Variants in HMGCLL1 observed in about 807,000 individuals in gnomAD.
HMGCLL1 encodes the protein 3-hydroxymethyl-3-methylglutaryl-CoA lyase, cytoplasmic.
A neutral mutation model predicts 39.1 loss-of-function variants in HMGCLL1; 36 were observed. The observed-to-expected ratio is 0.92, with a 90% confidence interval of 0.71 to 1.22. HMGCLL1 has a LOEUF of 1.22. Among genes scored for constraint, HMGCLL1 ranks in the 50% most tolerant of loss-of-function variants. The probability of loss-of-function intolerance (pLI) is 0.00; values close to 1 mark genes in which losing one functional copy is unlikely to be tolerated. For synonymous variants in HMGCLL1, 149 were observed against 144.0 expected (o/e 1.03, Z -0.25); for missense variants, 451 against 416.5 (o/e 1.08, Z -0.72).
chr6:55,630,342 T>A, the HMGCLL1 span, among the ~76,000 whole-genome samples: 1 of 152,038 alleles, frequency 6.6e-6, no homozygotes, highest in Non-Finnish European at 1.5e-5. Flanking sequence ...CCATTTAGAA[T>A]GGTTATATTT....
chr6:55,525,346 T>C (rs1225704641), intron 3 of HMGCLL1, among the ~76,000 whole-genome samples: 2 of 151,976 alleles, frequency 1.3e-5, no homozygotes, highest in African/African-American at 4.8e-5. Context: ...TATGGTAGGA[T>C]ATGAAATTAG....
chr6:55,492,158 T>C (rs1311103014), intron 7 of HMGCLL1, among the ~76,000 whole-genome samples: 1 of 152,198 alleles, frequency 6.6e-6, no homozygotes, highest in Non-Finnish European at 1.5e-5. Context: ...AAATGATATC[T>C]AGTCCACATC....
chr6:55,531,637 T>C (rs930186848), intron 3 of HMGCLL1, among the ~76,000 whole-genome samples: 4 of 151,856 alleles, frequency 2.6e-5, no homozygotes, highest in Non-Finnish European at 5.9e-5. Context: ...CTGTGGCTGG[T>C]TAGGAATGGG....
At position 55,435,459 on chromosome 6, in the gene HMGCLL1, T is replaced by A; in HGVS notation, c.*203A>T. ...AAATTATGACAAGTTTTATTATTTA[T>A]CCTCAGCTTGCAATTTACCTGATGA... On this transcript the variant is annotated 3_prime_UTR_variant, in exon 9 of 9. Transcript: ENST00000274901. 1 of 380,860 alleles carries A rather than the reference T, an allele frequency of 2.6e-6. No homozygotes were observed. Among genetic ancestry groups the A allele is most frequent in the East Asian group, 3.9e-5 (1 of 25,700 alleles). The allele number at this position is 380,860 out of a possible 1,614,324, so 23.6% of individuals were successfully genotyped here. A position where few individuals can be genotyped will look rare whatever the true frequency, so the allele number is the denominator to read the frequency against.
At chr6:55,512,019 C>T (rs1055483257) in intron 5 of HMGCLL1, 7 of 151,952 alleles carry the variant, frequency 4.6e-5, no homozygotes, top group African/African-American at 1.4e-4. Context: ...AGCCACAGCA[C>T]GATTAGAAGT....
At chr6:55,452,086 T>C (rs1032136077) in intron 7 of HMGCLL1, among the ~76,000 whole-genome samples, 4 of 152,110 alleles carry the variant, frequency 2.6e-5, no homozygotes, top group African/African-American at 9.7e-5. Context: ...AAGGTGCATA[T>C]AGGCCTATAT....
intron 1 of HMGCLL1, among the ~76,000 whole-genome samples, chr6:55,561,005 T>C (rs886642831): frequency 6.6e-6 from 1 of 152,160 alleles, no homozygotes; most frequent in Non-Finnish European, 1.5e-5. Flanking sequence ...AGGTTATAAG[T>C]GAACTAAGCC....
At chr6:55,484,419 T>G (rs1431946783) in intron 7 of HMGCLL1, among the ~76,000 whole-genome samples, 3 of 152,108 alleles carry the variant, frequency 2.0e-5, no homozygotes, top group Non-Finnish European at 4.4e-5. Context: ...ATGATCTATA[T>G]GCCGCTTATT....
chr6:55,456,342 C>T (rs975398811), intron 7 of HMGCLL1, among the ~76,000 whole-genome samples: 8 of 152,096 alleles, frequency 5.3e-5, no homozygotes. Flanking sequence ...CAATGTCATC[C>T]TTACTTAAAA....
intron 7 of HMGCLL1, among the ~76,000 whole-genome samples, chr6:55,440,490 G>A (rs573659642): frequency 6.6e-6 from 1 of 152,208 alleles, no homozygotes; most frequent in East Asian, 1.9e-4. Context: ...TGGAAGACAT[G>A]AGTACAACAG....
At chr6:55,652,669 A>G in the HMGCLL1 span, among the ~76,000 whole-genome samples, 1 of 152,212 alleles carries the variant, frequency 6.6e-6, no homozygotes, top group East Asian at 1.9e-4. Context: ...GTTTCACAGA[A>G]CTTGAAACTC....
At chr6:55,569,942 T>G (rs1338037932) in intron 1 of HMGCLL1, among the ~76,000 whole-genome samples, 1 of 152,080 alleles carries the variant, frequency 6.6e-6, no homozygotes, top group East Asian at 1.9e-4. Context: ...TGCATGTAAG[T>G]CAAGTCAAAT....
intron 7 of HMGCLL1, among the ~76,000 whole-genome samples, chr6:55,482,871 A>G (rs1212221360): frequency 6.6e-6 from 1 of 152,148 alleles, no homozygotes; most frequent in African/African-American, 2.4e-5. Context: ...TCATATGCTT[A>G]ATATAAATAA....
intron 4 of HMGCLL1, among the ~76,000 whole-genome samples, chr6:55,515,586 CTCCAAAGTCAAGA>C (rs1249236671): frequency 2.0e-5 from 3 of 152,064 alleles, no homozygotes; most frequent in Non-Finnish European, 2.9e-5. Flanking sequence ...CACAGAATTG[CTCCAAAGTCAAGA>C]TTAGTTCCAC....
At chr6:55,481,968 T>C (rs945983280) in intron 7 of HMGCLL1, among the ~76,000 whole-genome samples, 1 of 152,134 alleles carries the variant, frequency 6.6e-6, no homozygotes, top group African/African-American at 2.4e-5. Context: ...GCCTCTTTCT[T>C]ACTGTTTCTT....
chr6:55,564,372 T>A (rs1313522936), intron 1 of HMGCLL1, among the ~76,000 whole-genome samples: 1 of 152,266 alleles, frequency 6.6e-6, no homozygotes, highest in East Asian at 1.9e-4. Flanking sequence ...CAGCATCTTT[T>A]AGGTGACTGA....
chr6:55,606,087 A>C, the HMGCLL1 span, among the ~76,000 whole-genome samples: 1 of 152,080 alleles, frequency 6.6e-6, no homozygotes, highest in African/African-American at 2.4e-5. Context: ...GTGTACTTCT[A>C]TTACTACTTT....
rs1763337053 is a variant in HMGCLL1 at position 55,435,625 on chromosome 6, T to C, written c.*37A>G. 3 of 1,187,424 alleles carry C rather than the reference T, an allele frequency of 2.5e-6. No homozygotes were observed. The highest frequency in any genetic ancestry group is 3.7e-6 in the Non-Finnish European group (3 of 820,536). The allele number at this position is 1,187,424 out of a possible 1,614,324, so 73.6% of individuals were successfully genotyped here. A position where few individuals can be genotyped will look rare whatever the true frequency, so the allele number is the denominator to read the frequency against. On this transcript the variant is annotated 3_prime_UTR_variant, in exon 9 of 9. Coordinates refer to ENST00000274901, the MANE Select transcript of HMGCLL1 (RefSeq NM_001042406.2). ...TTTCAGATGAGTATTGTAGCTGAAA[T>C]TGATCTTCTCAACGGTACGTCATAA... is the stretch of plus-strand genomic sequence containing the variant.
chr6:55,610,369 C>T, the HMGCLL1 span, among the ~76,000 whole-genome samples: 2 of 151,634 alleles, frequency 1.3e-5, no homozygotes, highest in African/African-American at 2.4e-5. Context: ...ATACACAGCA[C>T]GAGAATTTCA....
Sources: allele counts gnomAD v4.1 joint callset (sites outside exome capture counted in the v4.1 genomes callset), GRCh38; gene constraint gnomAD v4.1.1; transcripts MANE v1.5; gene names NCBI Gene and HGNC (gene_info 2026-07-23, HGNC 2026-07-21).